The following ANKIB1 variants were observed in gnomAD, a reference collection of about 807,000 sequenced individuals.
The protein encoded by ANKIB1 is ankyrin repeat and IBR domain containing 1.
Under a neutral mutation model 122.1 loss-of-function variants are expected in ANKIB1, and 43 were observed. The ratio of observed to expected loss-of-function variants is 0.35; its 90% confidence interval spans 0.28 to 0.45. The LOEUF (loss-of-function observed/expected upper bound fraction) is 0.45. Among genes scored for constraint, ANKIB1 ranks in the 20% least tolerant of loss-of-function variants. The pLI is 1.00. For synonymous variants in ANKIB1, 390 were observed against 442.0 expected (o/e 0.88, Z 1.48); for missense variants, 992 against 1,329.5 (o/e 0.75, Z 3.95).
chr7:92,388,388 G>A (rs73230450), intron 14 of ANKIB1, among the ~76,000 whole-genome samples: 53 of 152,330 alleles, frequency 3.5e-4, no homozygotes, highest in Non-Finnish European at 6.2e-4. Flanking sequence ...CAAGATACAC[G>A]TGCTACCCAA....
chr7:92,288,482 A>G (rs1175376540), intron 1 of ANKIB1, among the ~76,000 whole-genome samples: 1 of 152,234 alleles, frequency 6.6e-6, no homozygotes, highest in Non-Finnish European at 1.5e-5. Flanking sequence ...GAACACAGTC[A>G]ATTGGCTTTT....
chr7:92,384,281 A>G (rs1207987443), intron 11 of ANKIB1, among the ~76,000 whole-genome samples: 2 of 152,228 alleles, frequency 1.3e-5, no homozygotes, highest in Admixed American at 6.5e-5. Flanking sequence ...GGATAGGAAG[A>G]ATCAATATTG....
chr7:92,328,326 A>G (rs1183671687), intron 5 of ANKIB1, among the ~76,000 whole-genome samples: 1 of 152,164 alleles, frequency 6.6e-6, no homozygotes, highest in Non-Finnish European at 1.5e-5. Flanking sequence ...AGTTGTATTT[A>G]TTTTATATGG....
intron 10 of ANKIB1, among the ~76,000 whole-genome samples, chr7:92,367,226 AAGGCTGC>A (rs1324690945): frequency 6.6e-6 from 1 of 152,204 alleles, no homozygotes; most frequent in Non-Finnish European, 1.5e-5. Context: ...GAACCAAGCC[AAGGCTGC>A]AGAGAAAGTC....
intron 3 of ANKIB1, among the ~76,000 whole-genome samples, chr7:92,313,809 CA>C (rs1307680965): frequency 6.6e-6 from 1 of 152,122 alleles, no homozygotes; most frequent in Non-Finnish European, 1.5e-5. Context: ...AAATGTTTAG[CA>C]AGTTCTCCTG....
At chr7:92,294,734 A>AT (rs1395333587) in intron 1 of ANKIB1, among the ~76,000 whole-genome samples, 155 bp from the exon 2 acceptor site, 3 of 152,100 alleles carry the variant, frequency 2.0e-5, no homozygotes, top group Non-Finnish European at 2.9e-5. Flanking sequence ...AAAATTTGAG[A>AT]TTTTTTTGGC....
chr7:92,307,253 C>T, intron 2 of ANKIB1, 106 bp from the exon 3 acceptor site: 1 of 1,154,486 alleles, frequency 8.7e-7, no homozygotes. Context: ...ATTGGATTAT[C>T]AGCTTAGAAG....
chr7:92,371,390 G>A lies in ANKIB1; in HGVS notation c.1487-87G>A. The A allele has an allele frequency of 4.3e-6, 5 of 1,160,960 alleles. No homozygotes were observed. In the South Asian group the frequency reaches 7.6e-5, roughly 18 times the overall value. 71.9% of individuals were successfully genotyped at this position (1,160,960 alleles called of 1,614,324 possible). On this transcript the variant is annotated intron_variant, in intron 10 of 19. Coordinates refer to ENST00000265742, the MANE Select transcript of ANKIB1 (RefSeq NM_019004.2). ...TTTTATTAAAATTGAGAGACAGCCT[G>A]CAAAGAAAAGTGTGGAGGGTTTTTT...
intron 2 of ANKIB1, among the ~76,000 whole-genome samples, chr7:92,306,517 A>AGG (rs1405993901): frequency 2.0e-5 from 3 of 151,984 alleles, no homozygotes; most frequent in Non-Finnish European, 2.9e-5. Flanking sequence ...GGGGCATTGG[A>AGG]GGGTAATTAG....
intron 1 of ANKIB1, among the ~76,000 whole-genome samples, chr7:92,258,432 A>G (rs1354768923): frequency 8.5e-5 from 13 of 152,142 alleles, no homozygotes; most frequent in Admixed American, 8.5e-4. Context: ...CACCCCCCCA[A>G]ATTTCTAATT....
At chr7:92,343,298 T>A in intron 6 of ANKIB1, 66 bp downstream of exon 6, 1 of 1,400,130 alleles carries the variant, frequency 7.1e-7, no homozygotes, top group Non-Finnish European at 9.9e-7. Context: ...TCAAATGATT[T>A]AATATTGTTC....
chr7:92,376,503 G>A (rs567683563), intron 11 of ANKIB1, among the ~76,000 whole-genome samples: 31 of 148,356 alleles, frequency 2.1e-4, no homozygotes, highest in Non-Finnish European at 4.0e-4. Flanking sequence ...AGGCTGGTGT[G>A]CAATGGTGGA....
At position 92,337,615 on chromosome 7, in the gene ANKIB1, A is replaced by G. The variant is rs554679488; in HGVS notation, c.788-5409A>G. On this transcript the variant is annotated intron_variant, in intron 5 of 19. Transcript: ENST00000265742. ...ATTTTATGTATATTTTGACATTATA[A>G]TACAGTAAATGCTGTCTTAACCCAC... 1.3e-5 allele frequency among the ~76,000 whole-genome samples: 2 copies of G among 152,266 alleles called. 1 individual carries two copies. Among genetic ancestry groups the G allele is most frequent in the South Asian group, 4.1e-4 (2 of 4,822 alleles).
chr7:92,349,787 C>T (rs1028764789), intron 7 of ANKIB1, among the ~76,000 whole-genome samples: 2 of 152,036 alleles, frequency 1.3e-5, no homozygotes, highest in African/African-American at 2.4e-5. Flanking sequence ...CTCCATTTTA[C>T]ATATGGTGAA....
intron 5 of ANKIB1, among the ~76,000 whole-genome samples, chr7:92,336,811 A>C (rs1803299852): frequency 6.6e-6 from 1 of 152,102 alleles, no homozygotes; most frequent in Non-Finnish European, 1.5e-5. Context: ...GTCAGACATT[A>C]ACTCCCCTCC....
intron 3 of ANKIB1, among the ~76,000 whole-genome samples, chr7:92,309,840 G>A (rs981658520): frequency 2.1e-4 from 31 of 148,448 alleles, no homozygotes; most frequent in African/African-American, 7.2e-4. Context: ...CAGGAGAATC[G>A]CCTGAACATG....
chr7:92,288,824 A>G (rs2131911588), intron 1 of ANKIB1, among the ~76,000 whole-genome samples: 1 of 152,252 alleles, frequency 6.6e-6, no homozygotes, highest in East Asian at 1.9e-4. Context: ...ACTACTACAC[A>G]TCCATTATAA....
chr7:92,352,351 C>A (rs1466373526), intron 8 of ANKIB1, 125 bp from the exon 9 acceptor site: 13 of 997,650 alleles, frequency 1.3e-5, no homozygotes, highest in Non-Finnish European at 1.9e-5. Flanking sequence ...ACTGACAACT[C>A]CATGCATTTT....
chr7:92,327,480 G>A (rs1025782406), intron 4 of ANKIB1, among the ~76,000 whole-genome samples: 1 of 152,118 alleles, frequency 6.6e-6, no homozygotes, highest in African/African-American at 2.4e-5. Flanking sequence ...TATAACCTAT[G>A]CATATCCTCC....
Sources: gnomAD v4.1 joint callset for allele counts (sites outside exome capture counted in the v4.1 genomes callset) on GRCh38, gnomAD v4.1.1 for gene constraint, MANE v1.5 for transcripts, NCBI Gene and HGNC (gene_info 2026-07-23, HGNC 2026-07-21) for gene names.